The following COL4A6 variants were observed in gnomAD, a reference collection of about 807,000 sequenced individuals.
COL4A6 encodes collagen type IV alpha 6 chain, also known as collagen alpha-6(IV) chain.
A neutral mutation model predicts 126.7 loss-of-function variants in COL4A6; 59 were observed. That is an observed-to-expected ratio of 0.47 (90% confidence interval 0.38 to 0.58). COL4A6 has a LOEUF of 0.58. COL4A6 is among the 20% of genes least tolerant of loss of function. COL4A6 has a pLI of 0.00. For missense variants in COL4A6, 1,285 were observed against 1,337.3 expected (o/e 0.96, Z 0.61); for synonymous variants, 547 against 496.6 (o/e 1.10, Z -1.35).
intron 3 of COL4A6, among the ~76,000 whole-genome samples, chrX:108,258,287 C>T (rs1372229117): frequency 2.7e-5 from 3 of 112,018 alleles, no homozygotes; most frequent in Non-Finnish European, 5.7e-5. Flanking sequence ...CACTCACACC[C>T]TCTTTTCTGT....
chrX:108,388,446 G>A (rs761029913), intron 2 of COL4A6, among the ~76,000 whole-genome samples: 3 of 111,774 alleles, frequency 2.7e-5, no homozygotes, highest in African/African-American at 9.8e-5. Flanking sequence ...AGTCTTGGGA[G>A]GGTGTATGTG....
intron 2 of COL4A6, among the ~76,000 whole-genome samples, chrX:108,330,593 C>T (rs2039272860): frequency 1.8e-5 from 2 of 111,083 alleles, no homozygotes; most frequent in Admixed American, 1.9e-4. Flanking sequence ...ATCCTGGAAA[C>T]CAGGAGGTAG....
At chrX:108,265,751 TAG>T (rs1358639365) in intron 3 of COL4A6, among the ~76,000 whole-genome samples, 1 of 109,539 alleles carries the variant, frequency 9.1e-6, no homozygotes, top group African/African-American at 3.3e-5. Context: ...CTGCTGAGGA[TAG>T]AGAGAGAGAT....
chrX:108,235,220 T>C (rs1245364268), intron 3 of COL4A6, among the ~76,000 whole-genome samples: 1 of 111,187 alleles, frequency 9.0e-6, no homozygotes, highest in African/African-American at 3.3e-5. Flanking sequence ...GTAAGAACAA[T>C]GTGGAAATAG....
At chrX:108,312,607 C>G (rs2038788706) in intron 2 of COL4A6, among the ~76,000 whole-genome samples, 1 of 112,109 alleles carries the variant, frequency 8.9e-6, no homozygotes, top group Non-Finnish European at 1.9e-5. Context: ...ATGTTGAGTA[C>G]TATATTTCTT....
chrX:108,160,541 T>G lies in COL4A6; in HGVS notation c.4447A>C (p.Ile1483Leu). ...SQSEQVPPCP[I>L]GMSQLWVGYS... ...CCCACCCACAGCTGGCTCATCCCGA[T>G]GGGACACGGGGGCACCTGTTCCGAC... Residue 1483 changes from isoleucine to leucine, a missense_variant, in exon 43 of 45, where the codon ATC becomes CTC. Transcript: ENST00000334504. The G allele has an allele frequency of 8.3e-7, 1 of 1,211,367 alleles. No homozygotes were observed. The highest frequency in any genetic ancestry group is 3.0e-5 in the East Asian group (1 of 33,795).
intron 2 of COL4A6, among the ~76,000 whole-genome samples, chrX:108,337,156 C>T (rs1007646591): frequency 2.1e-4 from 23 of 111,679 alleles, no homozygotes; most frequent in African/African-American, 7.5e-4. Flanking sequence ...TCTATTAACA[C>T]CTCAGTGTCT....
chrX:108,214,141 C>G lies in COL4A6; in HGVS notation c.412G>C (p.Asp138His), dbSNP rs147943028. ...TQGAVGFPGP[D>H]GYPGLLGPPG... is the part of the protein sequence containing the mutation. ...GGTCCGAGAAGCCCAGGATAGCCAT[C>G]AGGGCCTGGAAATCCAACAGCTCCT... Residue 138 changes from aspartate (D) to histidine (H), a missense_variant, in exon 6 of 45, where the codon GAT becomes CAT. Coordinates refer to ENST00000334504, the MANE Select transcript of COL4A6 (RefSeq NM_033641.4). 1.1e-5 allele frequency: 13 copies of G among 1,207,853 alleles called. No individual in the cohort carries two copies. Among genetic ancestry groups the G allele is most frequent in the Non-Finnish European group, 1.5e-5 (13 of 894,131 alleles).
At chrX:108,298,606 A>T (rs971888941) in intron 3 of COL4A6, among the ~76,000 whole-genome samples, 1 of 110,887 alleles carries the variant, frequency 9.0e-6, no homozygotes, top group Non-Finnish European at 1.9e-5. Context: ...TGCTGTGAAG[A>T]GCCCATGCTG....
chrX:108,394,183 C>T (rs2040906809), intron 2 of COL4A6, among the ~76,000 whole-genome samples: 1 of 111,251 alleles, frequency 9.0e-6, no homozygotes, highest in African/African-American at 3.3e-5. Context: ...GAACAGAAAA[C>T]CAAAGACTGC....
intron 2 of COL4A6, among the ~76,000 whole-genome samples, chrX:108,331,810 C>G (rs2039309383): frequency 9.0e-6 from 1 of 111,242 alleles, no homozygotes; most frequent in Non-Finnish European, 1.9e-5. Flanking sequence ...GTGGTCCACC[C>G]ACATTATGGA....
rs751394543 is a variant in COL4A6, at chrX:108,164,865, G to A, written c.3970+12C>T. The A allele has an allele frequency of 1.2e-5, 14 of 1,195,433 alleles. No homozygotes were observed. Among genetic ancestry groups the A allele is most frequent in the East Asian group, 3.0e-5 (1 of 33,535 alleles). On this transcript the variant is annotated intron_variant, in intron 39 of 44. Transcript: ENST00000334504. ...GTGGGGAAGGGCCCAGCAGCCAGCC[G>A]AGCAGCCGTACCTTTCAGTCCTAGC... is the stretch of plus-strand genomic sequence containing the variant.
chrX:108,368,693 A>G (rs1184866407), intron 2 of COL4A6, among the ~76,000 whole-genome samples: 1 of 112,230 alleles, frequency 8.9e-6, no homozygotes, highest in Non-Finnish European at 1.9e-5. Context: ...GTACAAAAAT[A>G]TGTTTTTCTT....
chrX:108,435,796 A>T (rs1462186905), intron 2 of COL4A6, among the ~76,000 whole-genome samples: 1 of 112,244 alleles, frequency 8.9e-6, no homozygotes, highest in Non-Finnish European at 1.9e-5. Flanking sequence ...TGGCAGCTTA[A>T]TTCTCACAGT....
At chrX:108,378,999 G>T (rs2040504788) in intron 2 of COL4A6, among the ~76,000 whole-genome samples, 1 of 112,352 alleles carries the variant, frequency 8.9e-6, no homozygotes, top group South Asian at 3.7e-4. Context: ...TTCATGGAAA[G>T]AGCTTGGGTT....
At chrX:108,395,873 C>G (rs1481993203) in intron 2 of COL4A6, among the ~76,000 whole-genome samples, 2 of 111,570 alleles carry the variant, frequency 1.8e-5, no homozygotes, top group Non-Finnish European at 3.8e-5. Flanking sequence ...TATGACGAAT[C>G]AGAACAAGCA....
chrX:108,332,106 T>C (rs958116680), intron 2 of COL4A6, among the ~76,000 whole-genome samples: 2 of 111,719 alleles, frequency 1.8e-5, no homozygotes, highest in African/African-American at 6.5e-5. Flanking sequence ...TATGTGGTTT[T>C]TGACTTTCTA....
chrX:108,327,475 C>A (rs1748128493), intron 2 of COL4A6, among the ~76,000 whole-genome samples: 1 of 103,128 alleles, frequency 9.7e-6, no homozygotes, highest in African/African-American at 3.6e-5. Flanking sequence ...TTGGTACAGG[C>A]AGCATCATGA....
At chrX:108,382,388 T>G (rs1422492283) in intron 2 of COL4A6, among the ~76,000 whole-genome samples, 1 of 111,682 alleles carries the variant, frequency 9.0e-6, no homozygotes, top group Non-Finnish European at 1.9e-5. Context: ...TGGCACATAA[T>G]AAGTACTTAA....
Sources: allele counts gnomAD v4.1 joint callset (sites outside exome capture counted in the v4.1 genomes callset), GRCh38; gene constraint gnomAD v4.1.1; transcripts MANE v1.5; gene names NCBI Gene and HGNC (gene_info 2026-07-23, HGNC 2026-07-21).